Variants in GRID2 observed in about 807,000 individuals in gnomAD.
GRID2 encodes the protein glutamate ionotropic receptor delta type subunit 2.
In GRID2, 33 loss-of-function variants were observed where a neutral mutation model predicts 114.8. The ratio of observed to expected loss-of-function variants is 0.29; its 90% CI spans 0.22 to 0.38. The LOEUF is 0.38. Among genes scored for constraint, GRID2 ranks in the 10% least tolerant of loss-of-function variants. GRID2 has a pLI of 1.00. For missense variants in GRID2, 1,184 were observed against 1,257.7 expected (o/e 0.94, Z 0.89); for synonymous variants, 505 against 449.9 (o/e 1.12, Z -1.55).
chr4:93,165,067 C>G (rs1162400202), intron 4 of GRID2, among the ~76,000 whole-genome samples: 1 of 151,998 alleles, frequency 6.6e-6, no homozygotes, highest in African/African-American at 2.4e-5. Context: ...ATAATAACTT[C>G]CTCATAGGAT....
intron 1 of GRID2, among the ~76,000 whole-genome samples, chr4:92,334,436 C>G (rs1012525371): frequency 6.6e-6 from 1 of 152,078 alleles, no homozygotes; most frequent in Non-Finnish European, 1.5e-5. Context: ...ATTGCAAGAA[C>G]AGAGATTTAT....
At chr4:93,490,855 G>A in intron 12 of GRID2, 78 bp downstream of exon 12, 1 of 951,920 alleles carries the variant, frequency 1.1e-6, no homozygotes, top group Admixed American at 2.1e-5. Context: ...GAATAAGTAT[G>A]TGGTGTCTCA....
chr4:93,529,783 A>G (rs183532383), intron 13 of GRID2, among the ~76,000 whole-genome samples: 7 of 152,246 alleles, frequency 4.6e-5, no homozygotes, highest in Admixed American at 2.0e-4. Context: ...GGGGCATATC[A>G]AGTGGCAAAT....
intron 2 of GRID2, among the ~76,000 whole-genome samples, chr4:92,901,788 T>C (rs543166688): frequency 6.6e-6 from 1 of 152,204 alleles, no homozygotes; most frequent in East Asian, 1.9e-4. Flanking sequence ...TATTTGCATG[T>C]ATGTTTACTA....
At chr4:92,674,525 T>C (rs1733238212) in intron 2 of GRID2, among the ~76,000 whole-genome samples, 1 of 152,144 alleles carries the variant, frequency 6.6e-6, no homozygotes, top group African/African-American at 2.4e-5. Flanking sequence ...TTATTTATTA[T>C]TACTATTTTT....
chr4:93,358,729 T>C (rs1368601914), intron 8 of GRID2, among the ~76,000 whole-genome samples: 3 of 152,090 alleles, frequency 2.0e-5, no homozygotes, highest in Non-Finnish European at 4.4e-5. Context: ...TCTTCTTTGA[T>C]CTAGTAATGA....
chr4:92,958,044 T>G (rs979041111), intron 2 of GRID2, among the ~76,000 whole-genome samples: 1 of 152,054 alleles, frequency 6.6e-6, no homozygotes, highest in Admixed American at 6.6e-5. Context: ...TTCAGGAACT[T>G]TTGTTGTTGT....
intron 4 of GRID2, among the ~76,000 whole-genome samples, chr4:93,131,328 A>G (rs1385338808): frequency 6.6e-6 from 1 of 151,078 alleles, no homozygotes; most frequent in Non-Finnish European, 1.5e-5. Flanking sequence ...TAATTTTTGT[A>G]TTTTTAGGAG....
At chr4:93,558,559 C>T (rs527683466) in intron 13 of GRID2, among the ~76,000 whole-genome samples, 6 of 152,164 alleles carry the variant, frequency 3.9e-5, no homozygotes, top group South Asian at 2.1e-4. Context: ...CCTGAATAGG[C>T]CAATAGTAAG....
At chr4:93,782,775 G>A (rs2110351935) in intron 1 of GRID2, among the ~76,000 whole-genome samples, 1 of 152,134 alleles carries the variant, frequency 6.6e-6, no homozygotes, top group South Asian at 2.1e-4. Flanking sequence ...AGCAATACGG[G>A]TTTTTATAAA....
chr4:92,486,818 A>G (rs1292083795), intron 1 of GRID2, among the ~76,000 whole-genome samples: 4 of 152,056 alleles, frequency 2.6e-5, no homozygotes, highest in East Asian at 1.9e-4. Context: ...CCACAGGTAT[A>G]TGAACAGATG....
chr4:92,604,667 C>T (rs1206865181), intron 2 of GRID2, among the ~76,000 whole-genome samples: 1 of 152,114 alleles, frequency 6.6e-6, no homozygotes, highest in African/African-American at 2.4e-5. Flanking sequence ...ATGTCCTGCA[C>T]ATCTATCTCA....
intron 4 of GRID2, among the ~76,000 whole-genome samples, chr4:93,148,125 G>A (rs1176100657): frequency 6.6e-6 from 1 of 152,170 alleles, no homozygotes; most frequent in Non-Finnish European, 1.5e-5. Flanking sequence ...TGGCATACCA[G>A]GCAGCGTACA....
At chr4:92,502,500 A>G (rs567200565) in intron 1 of GRID2, among the ~76,000 whole-genome samples, 1 of 152,080 alleles carries the variant, frequency 6.6e-6, no homozygotes, top group Non-Finnish European at 1.5e-5. Flanking sequence ...ATGCAACTAC[A>G]TGATACATTA....
intron 1 of GRID2, among the ~76,000 whole-genome samples, chr4:93,802,378 G>C (rs933463770): frequency 2.6e-5 from 4 of 151,948 alleles, no homozygotes; most frequent in African/African-American, 9.7e-5. Context: ...GTGTGAGAGT[G>C]AGTGTGTGTG....
chr4:93,026,006 G>T lies in GRID2; in HGVS notation c.245-58989G>T, dbSNP rs971315044. 1.5e-4 allele frequency among the ~76,000 whole-genome samples: 22 copies of T among 151,674 alleles called. 1 individual carries two copies. Among genetic ancestry groups the T allele is most frequent in the Admixed American group, 9.2e-4 (14 of 15,202 alleles). On this transcript the variant is annotated intron_variant, in intron 2 of 15. Coordinates refer to ENST00000282020, the MANE Select transcript of GRID2 (RefSeq NM_001510.4). ...TGTATTATATTCATTACTTAGAAGA[G>T]AACAAAAAGTAGGGAAAGTTGATAA...
Position 93,063,071 on chromosome 4 carries a change from G to T in GRID2, c.245-21924G>T, listed in dbSNP as rs532411766. The stretch of plus-strand genomic sequence containing the variant: ...GCATTCTGTTTCAAGACTCTTATCT[G>T]GTAACAGTGATGTTTGGGCTTTCTT... On this transcript the variant is annotated intron_variant, in intron 2 of 15. Coordinates refer to ENST00000282020, the MANE Select transcript of GRID2 (RefSeq NM_001510.4). Among the ~76,000 whole-genome samples, 23 of 151,898 alleles carry T rather than the reference G, an allele frequency of 1.5e-4. No individual in the cohort carries two copies. The South Asian group carries it at 4.8e-3, about 32-fold the overall frequency.
intron 2 of GRID2, among the ~76,000 whole-genome samples, chr4:92,775,120 C>A (rs1264925781): frequency 1.3e-5 from 2 of 152,022 alleles, no homozygotes; most frequent in Admixed American, 1.3e-4. Flanking sequence ...TTTTAGTAAA[C>A]CCTGAGTTAT....
intron 2 of GRID2, among the ~76,000 whole-genome samples, chr4:92,740,204 T>C (rs2149330780): frequency 6.6e-6 from 1 of 152,314 alleles, no homozygotes; most frequent in African/African-American, 2.4e-5. Flanking sequence ...AAGAGGTTTC[T>C]AGAAAAGACA....
Sources: gnomAD v4.1 joint callset for allele counts (sites outside exome capture counted in the v4.1 genomes callset) on GRCh38, gnomAD v4.1.1 for gene constraint, MANE v1.5 for transcripts, NCBI Gene and HGNC (gene_info 2026-07-23, HGNC 2026-07-21) for gene names.